The following LRP2 variants were observed in gnomAD, a reference collection of about 807,000 sequenced individuals.
The protein encoded by LRP2 is low-density lipoprotein receptor-related protein 2.
LRP2 carries 172 observed loss-of-function variants against 531.0 expected under a neutral mutation model. The ratio of observed to expected loss-of-function variants is 0.32; its 90% CI spans 0.29 to 0.37. LRP2 has a LOEUF of 0.37. Among genes scored for constraint, LRP2 ranks in the 10% least tolerant of loss-of-function variants. The probability of loss-of-function intolerance (pLI) is 1.00; values close to 1 mark genes in which losing one functional copy is unlikely to be tolerated. For missense variants in LRP2, 5,167 were observed against 5,868.3 expected (o/e 0.88, Z 3.90); for synonymous variants, 1,992 against 2,027.6 (o/e 0.98, Z 0.47).
At chr2:169,289,581 A>G (rs1055947297) in intron 8 of LRP2, among the ~76,000 whole-genome samples, 1 of 151,976 alleles carries the variant, frequency 6.6e-6, no homozygotes, top group African/African-American at 2.4e-5. Flanking sequence ...GAAAAGAAAA[A>G]GCTCCTTTTT....
chr2:169,320,688 G>A, intron 2 of LRP2, 89 bp downstream of exon 2: 3 of 1,077,598 alleles, frequency 2.8e-6, no homozygotes, highest in Non-Finnish European at 4.3e-6. Context: ...TCACTAAAAG[G>A]CATAGCTCTT....
intron 1 of LRP2, among the ~76,000 whole-genome samples, chr2:169,340,014 C>G (rs1055716019): frequency 1.1e-4 from 17 of 151,712 alleles, no homozygotes; most frequent in Non-Finnish European, 2.2e-4. Flanking sequence ...TAAAAGTGAC[C>G]CTAAAGTCAA....
At chr2:169,136,490 T>A (rs1245696531) in intron 76 of LRP2, among the ~76,000 whole-genome samples, 1 of 152,106 alleles carries the variant, frequency 6.6e-6, no homozygotes, top group East Asian at 1.9e-4. Flanking sequence ...ACAAAAGAAG[T>A]GAAAATGGCC....
intron 45 of LRP2, among the ~76,000 whole-genome samples, chr2:169,198,204 A>T (rs551217074): frequency 1.2e-4 from 19 of 152,264 alleles, no homozygotes; most frequent in African/African-American, 2.9e-4. Flanking sequence ...GCTTGAGCCC[A>T]AGAGTTCCAG....
intron 1 of LRP2, among the ~76,000 whole-genome samples, chr2:169,340,611 A>G (rs933079269): frequency 2.6e-5 from 4 of 152,182 alleles, no homozygotes; most frequent in Non-Finnish European, 4.4e-5. Flanking sequence ...AAGGATGGCT[A>G]TGGCTACAGC....
chr2:169,144,615 A>G (rs1056283175), intron 70 of LRP2, among the ~76,000 whole-genome samples: 2 of 152,186 alleles, frequency 1.3e-5, no homozygotes, highest in African/African-American at 4.8e-5. Flanking sequence ...AGGACACAAA[A>G]GCTATTCTAT....
At position 169,216,273 on chromosome 2, in the gene LRP2, C is replaced by A; in HGVS notation, c.5806G>T (p.Ala1936Ser). ...LDIEEQKLYWAVTGRGVIERG... is the reference protein window; with the variant it reads ...LDIEEQKLYWSVTGRGVIERG... ...CATACCACTCCTCTTCCAGTGACTG[C>A]CCAGTAGAGTTTCTGCTCTTCGATG... Residue 1936 changes from alanine (A) to serine (S), a missense_variant, in exon 35 of 79, where the codon GCA becomes TCA. Ala to Ser is a moderately conservative substitution (Grantham distance 99, BLOSUM62 1). Coordinates refer to ENST00000649046, the MANE Select transcript of LRP2 (RefSeq NM_004525.3). The A allele has an allele frequency of 6.2e-7, 1 of 1,613,454 alleles. No homozygotes were observed. Among genetic ancestry groups the A allele is most frequent in the Non-Finnish European group, 8.5e-7 (1 of 1,179,576 alleles).
chr2:169,285,745 C>A (rs1181182358), intron 9 of LRP2, among the ~76,000 whole-genome samples: 1 of 152,146 alleles, frequency 6.6e-6, no homozygotes, highest in African/African-American at 2.4e-5. Context: ...CAATCAGAAA[C>A]AATGAGCCCA....
chr2:169,247,498 C>A lies in LRP2; in HGVS notation c.2788G>T (p.Asp930Tyr). ...AIFGEHLFFT[D>Y]WRLGAIIRVR... ...CGAATAATGGCACCCAGTCTCCAGT[C>A]AGTAAAAAATAAATGCTCTGAAAAG... Residue 930 changes from aspartate to tyrosine, a missense_variant, in exon 20 of 79, where the codon GAC becomes TAC. Asp to Tyr is a radical substitution (Grantham distance 160). Transcript: ENST00000649046. The A allele has an allele frequency of 1.9e-6, 3 of 1,614,094 alleles. No individual in the cohort carries two copies. The highest frequency in any genetic ancestry group is 2.5e-6 in the Non-Finnish European group (3 of 1,180,026).
intron 3 of LRP2, among the ~76,000 whole-genome samples, chr2:169,311,601 G>C (rs1183140354): frequency 1.3e-5 from 2 of 152,082 alleles, no homozygotes; most frequent in East Asian, 3.9e-4. Context: ...ACATTTGATG[G>C]GGAGTGCTTT....
chr2:169,221,676 G>GC (rs1689007478), intron 33 of LRP2, among the ~76,000 whole-genome samples: 1 of 151,986 alleles, frequency 6.6e-6, no homozygotes, highest in African/African-American at 2.4e-5. Context: ...GTGTGTGCAC[G>GC]CATTCACACG....
chr2:169,352,677 AG>A (rs1446184796), intron 1 of LRP2, among the ~76,000 whole-genome samples: 1 of 152,234 alleles, frequency 6.6e-6, no homozygotes, highest in African/African-American at 2.4e-5. Context: ...AGCCATAAAA[AG>A]GAATGAGTTC....
intron 31 of LRP2, among the ~76,000 whole-genome samples, chr2:169,226,934 C>T (rs1689221473): frequency 6.6e-6 from 1 of 151,852 alleles, no homozygotes; most frequent in East Asian, 1.9e-4. Flanking sequence ...CACAGACAAA[C>T]CTCACTCACA....
At chr2:169,288,850 A>T (rs1433652575) in intron 9 of LRP2, among the ~76,000 whole-genome samples, 176 bp downstream of exon 9, 1 of 151,912 alleles carries the variant, frequency 6.6e-6, no homozygotes, top group Non-Finnish European at 1.5e-5. Context: ...ACCACACCAA[A>T]CCTTCTCAGA....
intron 44 of LRP2, 103 bp from the exon 45 acceptor site, chr2:169,199,014 A>G: frequency 8.2e-7 from 1 of 1,219,852 alleles, no homozygotes; most frequent in Admixed American, 1.9e-5. Context: ...AAACCACTGG[A>G]AGGGCGGCAT....
intron 35 of LRP2, 77 bp from the exon 36 acceptor site, chr2:169,213,947 A>G: frequency 2.1e-6 from 2 of 946,332 alleles, no homozygotes; most frequent in Middle Eastern, 2.4e-4. Context: ...ATATTCTCCT[A>G]ATTATAATGT....
intron 18 of LRP2, 70 bp from the exon 19 acceptor site, chr2:169,256,306 C>G: frequency 1.6e-6 from 2 of 1,279,228 alleles, no homozygotes; most frequent in Non-Finnish European, 2.3e-6. Flanking sequence ...CAAAGGGCAT[C>G]CAAAAACAGT....
intron 62 of LRP2, among the ~76,000 whole-genome samples, chr2:169,165,316 G>T (rs1025088675): frequency 6.6e-6 from 1 of 152,218 alleles, no homozygotes; most frequent in Non-Finnish European, 1.5e-5. Context: ...CCCTTCAATG[G>T]ATAGATTTTA....
intron 1 of LRP2, among the ~76,000 whole-genome samples, chr2:169,345,001 TAA>T (rs916165107): frequency 3.3e-5 from 5 of 152,322 alleles, no homozygotes; most frequent in Admixed American, 1.3e-4. Flanking sequence ...CCTTTAATCT[TAA>T]GAGTACAATT....
Sources: allele counts gnomAD v4.1 joint callset (sites outside exome capture counted in the v4.1 genomes callset), GRCh38; gene constraint gnomAD v4.1.1; transcripts MANE v1.5; gene names NCBI Gene and HGNC (gene_info 2026-07-23, HGNC 2026-07-21).